Variants in PLCH1 observed in about 807,000 individuals in gnomAD.
The protein encoded by PLCH1 is 1-phosphatidylinositol 4,5-bisphosphate phosphodiesterase eta-1.
In PLCH1, 60 loss-of-function variants were observed where a neutral mutation model predicts 126.7. That is an observed-to-expected ratio of 0.47 (90% CI 0.38 to 0.59). PLCH1 has a LOEUF of 0.59. PLCH1 is among the 20% of genes least tolerant of loss of function. PLCH1 has a pLI of 0.00. For missense variants in PLCH1, 1,723 were observed against 2,040.0 expected (o/e 0.84, Z 2.99); for synonymous variants, 719 against 734.9 (o/e 0.98, Z 0.35).
chr3:155,684,044 C>T (rs1451361693), intron 2 of PLCH1, among the ~76,000 whole-genome samples: 1 of 152,234 alleles, frequency 6.6e-6, no homozygotes, highest in Non-Finnish European at 1.5e-5. Context: ...ATGCCTTAAT[C>T]TGCCATCTCT....
At chr3:155,666,680 G>A (rs4680210) in intron 2 of PLCH1, among the ~76,000 whole-genome samples, 1 of 151,990 alleles carries the variant, frequency 6.6e-6, no homozygotes, top group Non-Finnish European at 1.5e-5. Flanking sequence ...TAACAAGCCA[G>A]GTACTCATTA....
Position 155,554,282 on chromosome 3 carries a change from C to T in PLCH1, c.1070-86G>A, listed in dbSNP as rs1367003867. The T allele has an allele frequency of 2.3e-6, 3 of 1,320,820 alleles. No homozygotes were observed. The African/African-American group carries it at 4.4e-5, about 19-fold the overall frequency. 81.8% of individuals were successfully genotyped at this position (1,320,820 alleles called of 1,614,324 possible). On this transcript the variant is annotated intron_variant, in intron 8 of 22. Transcript: ENST00000460012. The stretch of plus-strand genomic sequence containing the variant: ...GGAAATACCAGACACATATTAAGTC[C>T]ATTATCTGAAATTATACCCATTTCA...
In PLCH1 at chr3:155,487,802, G is replaced by A. The variant is rs546383000; in HGVS notation, c.2619+226C>T. ...AGTTTTCTCAATTCTATTAAGCCCA[G>A]AGAGGGCCCCTGTATAGAAGAAATG... On this transcript the variant is annotated intron_variant, in intron 21 of 22. Coordinates refer to ENST00000460012, the MANE Select transcript of PLCH1 (RefSeq NM_014996.4). Among the ~76,000 whole-genome samples the A allele has an allele frequency of 7.2e-5, 11 of 152,290 alleles. 1 individual carries two copies. In the South Asian group the frequency reaches 2.3e-3, roughly 32 times the overall value.
At chr3:155,545,362 C>T (rs1435194912) in intron 10 of PLCH1, among the ~76,000 whole-genome samples, 1 of 151,870 alleles carries the variant, frequency 6.6e-6, no homozygotes, top group Non-Finnish European at 1.5e-5. Flanking sequence ...TCTGAATAGA[C>T]CAATAACAGG....
At position 155,568,297 on chromosome 3, in the gene PLCH1, G is replaced by T; in HGVS notation, c.799C>A (p.Leu267Ile). 1 of 1,537,480 alleles carries T rather than the reference G, an allele frequency of 6.5e-7. No individual in the cohort carries two copies. ...ACTTCAAACTTCTTTATGATGTCAA[G>T]ACAATAGTCCGTTGTCACATTATTC... ...KMNNVTTDYCLDIIKKFEVSE... is the reference protein window; with the variant it reads ...KMNNVTTDYCIDIIKKFEVSE... The change falls in exon 7 of 23, where the codon CTT becomes ATT. Residue 267 changes from leucine (L) to isoleucine (I), a missense_variant. By Grantham distance (5) the Leu-to-Ile change is conservative. This residue lies in a region of PLCH1 where 776 missense variants were observed against 1,062.9 expected (regional missense o/e 0.73). Transcript: ENST00000460012.
intron 1 of PLCH1, among the ~76,000 whole-genome samples, chr3:155,725,358 T>C (rs1019608763): frequency 6.6e-6 from 1 of 152,294 alleles, no homozygotes; most frequent in East Asian, 1.9e-4. Flanking sequence ...TTTTGTCTTA[T>C]GTCAAAATTG....
Position 155,488,711 on chromosome 3 carries a change from C to T in PLCH1, c.2488G>A (p.Gly830Arg), listed in dbSNP as rs1385357675. ...GTTCTTTGTCCAACAAAGTCTCGTC[C>T]AATGGGATCGTGATCCCACACAAGG... ...RFLVWDHDPI[G>R]RDFVGQRTVT... The change falls in exon 20 of 23, where the codon GGA (glycine) becomes AGA (arginine). Residue 830 changes from glycine (G) to arginine (R), a missense_variant. Transcript: ENST00000460012. 2.5e-6 allele frequency: 4 copies of T among 1,613,848 alleles called. No homozygotes were observed. The Admixed American group carries it at 6.7e-5, about 27-fold the overall frequency.
At chr3:155,557,248 G>A (rs999050965) in intron 8 of PLCH1, among the ~76,000 whole-genome samples, 3 of 152,178 alleles carry the variant, frequency 2.0e-5, no homozygotes, top group Non-Finnish European at 4.4e-5. Context: ...CTTAACAGGT[G>A]TTTCAAATAA....
At chr3:155,505,891 G>GTTTTTTTTTTTTT (rs545714401) in intron 12 of PLCH1, among the ~76,000 whole-genome samples, 1 of 147,994 alleles carries the variant, frequency 6.8e-6, no homozygotes, top group African/African-American at 2.5e-5. Context: ...CTCTTGGTCC[G>GTTTTTTTTTTTTT]CTTTTTTTTT....
At chr3:155,676,175 T>A in intron 2 of PLCH1, 12 of 1,339,920 alleles carry the variant, frequency 9.0e-6, no homozygotes, top group Non-Finnish European at 1.2e-5. Context: ...CCCCAGAACT[T>A]GGCTCATGCT....
intron 6 of PLCH1, among the ~76,000 whole-genome samples, chr3:155,578,581 A>G (rs1218510662): frequency 6.6e-6 from 1 of 152,216 alleles, no homozygotes; most frequent in East Asian, 1.9e-4. Context: ...ATAAATAATC[A>G]AAGATACTTC....
chr3:155,566,260 CACATATATAT>C lies in PLCH1; in HGVS notation c.866-1152_866-1143del, dbSNP rs1348103673. On this transcript the variant is annotated intron_variant, in intron 7 of 22. Transcript: ENST00000460012. Reference sequence around the variant, plus strand: ...ATATACATATATATACGTATATATACACATATATATACATATATACATATATATACGTATA... The same window carrying C: ...ATATACATATATATACGTATATATACACATATATACATATATATACGTATA... 4.8e-4 allele frequency among the ~76,000 whole-genome samples: 28 copies of C among 58,824 alleles called. 8 individuals carry two copies. The highest frequency in any genetic ancestry group is 1.0e-3 in the African/African-American group (23 of 22,398). 38.6% of individuals were successfully genotyped at this position (58,824 alleles called of 152,430 possible). A position where few individuals can be genotyped will look rare whatever the true frequency, so the allele number is the denominator to read the frequency against.
At chr3:155,500,830 T>A in intron 13 of PLCH1, 36 bp from the exon 14 acceptor site, 2 of 1,295,132 alleles carry the variant, frequency 1.5e-6, no homozygotes, top group Non-Finnish European at 2.2e-6. Context: ...AACAAACTCA[T>A]TGTATCAAGT....
chr3:155,709,320 T>C (rs1316220636), intron 1 of PLCH1, among the ~76,000 whole-genome samples: 1 of 152,178 alleles, frequency 6.6e-6, no homozygotes, highest in African/African-American at 2.4e-5. Flanking sequence ...CTGGACTGTG[T>C]GGTAAGAGTA....
At chr3:155,739,361 T>A (rs1749449761) in intron 1 of PLCH1, among the ~76,000 whole-genome samples, 2 of 152,330 alleles carry the variant, frequency 1.3e-5, no homozygotes, top group South Asian at 4.1e-4. Flanking sequence ...GGAATCCTCT[T>A]AGACCCACCA....
intron 2 of PLCH1, among the ~76,000 whole-genome samples, chr3:155,655,292 C>T (rs1422642328): frequency 2.6e-5 from 4 of 152,024 alleles, no homozygotes; most frequent in East Asian, 1.9e-4. Flanking sequence ...AAAAATTAGC[C>T]GAGCATGGTG....
chr3:155,504,774 C>T, intron 12 of PLCH1, 148 bp from the exon 13 acceptor site: 1 of 611,210 alleles, frequency 1.6e-6, no homozygotes, highest in Non-Finnish European at 2.9e-6. Flanking sequence ...TCCTCCTGCT[C>T]CACACTCCAC....
chr3:155,643,958 T>C (rs145573955), intron 2 of PLCH1, among the ~76,000 whole-genome samples: 2 of 152,316 alleles, frequency 1.3e-5, no homozygotes, highest in African/African-American at 4.8e-5. Context: ...TCCTGCCCAG[T>C]CCCTGATTGT....
At chr3:155,730,604 G>A (rs1748698227) in intron 1 of PLCH1, among the ~76,000 whole-genome samples, 1 of 152,110 alleles carries the variant, frequency 6.6e-6, no homozygotes, top group Non-Finnish European at 1.5e-5. Context: ...TGATTGATCT[G>A]CTTAATTTAT....
Sources: gnomAD v4.1 joint callset for allele counts (sites outside exome capture counted in the v4.1 genomes callset) on GRCh38, gnomAD v4.1.1 for gene constraint, gnomAD v4.1.1 regional missense constraint, MANE v1.5 for transcripts, NCBI Gene and HGNC (gene_info 2026-07-23, HGNC 2026-07-21) for gene names.